Variants in ART1 observed in about 807,000 individuals in gnomAD.
ART1 encodes the protein GPI-linked NAD(P)(+)--arginine ADP-ribosyltransferase 1.
ART1 carries 29 observed loss-of-function variants against 27.0 expected under a neutral mutation model. The ratio of observed to expected loss-of-function variants is 1.08; its 90% confidence interval spans 0.80 to 1.47. The LOEUF (loss-of-function observed/expected upper bound fraction) is 1.47. Among genes scored for constraint, ART1 ranks in the 40% most tolerant of loss-of-function variants. ART1 has a pLI of 0.00. For missense variants in ART1, 480 were observed against 423.0 expected, an observed-to-expected ratio of 1.13 and a Z score of -1.18; for synonymous variants, 201 against 172.2, an observed-to-expected ratio of 1.17 and a Z score of -1.31.
chr11:3,650,514 T>A (rs992676267), intron 1 of ART1, among the ~76,000 whole-genome samples: 1 of 152,188 alleles, frequency 6.6e-6, no homozygotes, highest in Non-Finnish European at 1.5e-5. Context: ...TTAATCAATA[T>A]GGAGGCTACC....
At chr11:3,663,068 CTCATCTCATCATCTCATCTCA>C (rs2077633026) in intron 4 of ART1, among the ~76,000 whole-genome samples, 2 of 119,308 alleles carry the variant, frequency 1.7e-5, no homozygotes, top group Admixed American at 8.3e-5. Context: ...CTCATCTCAT[CTCATCTCATCATCTCATCTCA>C]TCATCTCATC....
intron 1 of ART1, among the ~76,000 whole-genome samples, chr11:3,653,133 C>A (rs2077539412): frequency 6.7e-6 from 1 of 148,418 alleles, no homozygotes; most frequent in Non-Finnish European, 1.5e-5. Context: ...AAACATCGCC[C>A]ATTATCTCTC....
At chr11:3,656,095 G>C (rs1488443287) in intron 1 of ART1, among the ~76,000 whole-genome samples, 1 of 152,030 alleles carries the variant, frequency 6.6e-6, no homozygotes, top group Non-Finnish European at 1.5e-5. Context: ...ACCACGCCCA[G>C]CTAATTTTTT....
At chr11:3,653,352 C>T (rs962365666) in intron 1 of ART1, among the ~76,000 whole-genome samples, 1 of 148,290 alleles carries the variant, frequency 6.7e-6, no homozygotes, top group Admixed American at 6.6e-5. Context: ...ATGGCCGGTT[C>T]CTGCCTTAAC....
chr11:3,655,848 A>G (rs530944360), intron 1 of ART1, among the ~76,000 whole-genome samples: 2 of 152,084 alleles, frequency 1.3e-5, no homozygotes, highest in African/African-American at 2.4e-5. Flanking sequence ...ACTGGATTCT[A>G]CACAGGAAAG....
chr11:3,646,064 T>G (rs1457024684), intron 1 of ART1, among the ~76,000 whole-genome samples: 10 of 134,446 alleles, frequency 7.4e-5, no homozygotes, highest in Non-Finnish European at 1.2e-4. Flanking sequence ...GTTTGTTTTG[T>G]TTTTTTTTTC....
Position 3,660,841 on chromosome 11 carries a change from G to T in ART1, c.844+478G>T, listed in dbSNP as rs138194934. On this transcript the variant is annotated intron_variant, in intron 3 of 4. Coordinates refer to ENST00000250693, the MANE Select transcript of ART1 (RefSeq NM_004314.3). The stretch of plus-strand genomic sequence containing the variant: ...TGCTGGGTGGGGTGGTGGGGGCAAG[G>T]AGACAGCAGTTGGGTGCTGTGCCCC... Among the ~76,000 whole-genome samples the T allele has an allele frequency of 7.8e-3, 1,185 of 152,358 alleles. 9 individuals are homozygous for T. Among genetic ancestry groups the T allele is most frequent in the Non-Finnish European group, 0.012 (820 of 68,034 alleles).
chr11:3,658,048 A>G (rs1203052977), intron 1 of ART1, among the ~76,000 whole-genome samples: 6 of 151,984 alleles, frequency 3.9e-5, no homozygotes, highest in Non-Finnish European at 5.9e-5. Context: ...AAAAATGACA[A>G]TAAGGCCGGC....
chr11:3,651,115 T>C (rs1002465189), intron 1 of ART1, among the ~76,000 whole-genome samples: 39 of 151,910 alleles, frequency 2.6e-4, no homozygotes, highest in African/African-American at 7.2e-4. Flanking sequence ...CTATCCACCC[T>C]GTGGTGCCAA....
chr11:3,663,954 T>G (rs2133969029), intron 4 of ART1, 138 bp from the exon 5 acceptor site: 1 of 714,634 alleles, frequency 1.4e-6, no homozygotes, highest in East Asian at 2.8e-5. Flanking sequence ...CGTGGCAGTT[T>G]TGTGTATCAG....
At chr11:3,652,250 A>G (rs1036706743) in intron 1 of ART1, among the ~76,000 whole-genome samples, 8 of 151,094 alleles carry the variant, frequency 5.3e-5, no homozygotes, top group South Asian at 2.1e-4. Flanking sequence ...CTTTCCTACA[A>G]GGTCTGAGAA....
intron 3 of ART1, 40 bp downstream of exon 3, chr11:3,660,403 G>C: frequency 6.4e-7 from 1 of 1,561,674 alleles, no homozygotes; most frequent in Non-Finnish European, 8.6e-7. Flanking sequence ...TGCGGAAGGT[G>C]GACCTTCCAC....
chr11:3,650,457 C>A (rs890755181), intron 1 of ART1, among the ~76,000 whole-genome samples: 1 of 152,196 alleles, frequency 6.6e-6, no homozygotes, highest in Non-Finnish European at 1.5e-5. Context: ...ATCAGGGACT[C>A]CGAGCTTTGA....
chr11:3,664,079 G>A lies in ART1; in HGVS notation c.887-13G>A, dbSNP rs781284713. 6.2e-7 allele frequency: 1 copy of A among 1,613,164 alleles called. No individual in the cohort carries two copies. The highest frequency in any genetic ancestry group is 8.5e-7 in the Non-Finnish European group (1 of 1,179,848). On this transcript the variant is annotated splice_polypyrimidine_tract_variant and intron_variant, in intron 4 of 4. Transcript: ENST00000250693. Reference sequence around the variant, plus strand: ...TCTCTCTCCCCCAACCTCTCTGCCTGTTTTCCCTGCAGCCATGGGTCAGAG... The same window carrying A: ...TCTCTCTCCCCCAACCTCTCTGCCTATTTTCCCTGCAGCCATGGGTCAGAG...
chr11:3,654,994 GC>G (rs2077558942), intron 1 of ART1, among the ~76,000 whole-genome samples: 1 of 152,196 alleles, frequency 6.6e-6, no homozygotes, highest in Non-Finnish European at 1.5e-5. Flanking sequence ...TAACTATTTT[GC>G]CGTGTGCCAC....
chr11:3,652,150 G>A lies in ART1; in HGVS notation c.-53+6971G>A, dbSNP rs7478715. Among the ~76,000 whole-genome samples the A allele has an allele frequency of 5.6e-4, 83 of 149,018 alleles. 3 individuals carry two copies. Among genetic ancestry groups the A allele is most frequent in the Non-Finnish European group, 9.9e-4 (67 of 67,912 alleles). Reference sequence around the variant, plus strand: ...TCGAGGATTTGCCCCCACCCAGGACGGGCAAATTAGCTTTACTCAACATGC... The same window carrying A: ...TCGAGGATTTGCCCCCACCCAGGACAGGCAAATTAGCTTTACTCAACATGC... On this transcript the variant is annotated intron_variant, in intron 1 of 4. Coordinates refer to ENST00000250693, the MANE Select transcript of ART1 (RefSeq NM_004314.3).
intron 4 of ART1, among the ~76,000 whole-genome samples, chr11:3,663,094 C>CTCATCATCTCATCTCA (rs1554883242): frequency 1.0e-5 from 1 of 96,830 alleles, no homozygotes; most frequent in Non-Finnish European, 2.0e-5. Flanking sequence ...ATCTCATCAT[C>CTCATCATCTCATCTCA]TCATCTCATC....
At chr11:3,653,014 T>C (rs1423787282) in intron 1 of ART1, among the ~76,000 whole-genome samples, 2 of 147,906 alleles carry the variant, frequency 1.4e-5, no homozygotes, top group Non-Finnish European at 2.9e-5. Context: ...ACACGACAAA[T>C]GTTTCTTCTA....
chr11:3,659,180 A>C lies in ART1; in HGVS notation c.-34A>C. On this transcript the variant is annotated 5_prime_UTR_variant, in exon 2 of 5. Coordinates refer to ENST00000250693, the MANE Select transcript of ART1 (RefSeq NM_004314.3). ...TTTCCAGATGAGGAAACTGAGACCCAAAAAGAGACAGCAACTGGCCCAGGG... is the reference window on the plus strand; with the variant it reads ...TTTCCAGATGAGGAAACTGAGACCCCAAAAGAGACAGCAACTGGCCCAGGG... The C allele has an allele frequency of 1.2e-6, 2 of 1,611,522 alleles. No individual in the cohort carries two copies. Among genetic ancestry groups the C allele is most frequent in the Non-Finnish European group, 1.7e-6 (2 of 1,177,820 alleles).
Sources: allele counts gnomAD v4.1 joint callset (sites outside exome capture counted in the v4.1 genomes callset), GRCh38; gene constraint gnomAD v4.1.1; transcripts MANE v1.5; gene names NCBI Gene and HGNC (gene_info 2026-07-23, HGNC 2026-07-21).